The following LPP variants were observed in gnomAD, a reference collection of about 807,000 sequenced individuals.
LPP encodes lipoma-preferred partner.
Under a neutral mutation model 60.4 loss-of-function variants are expected in LPP, and 38 were observed. That is an observed-to-expected ratio of 0.63 (90% CI 0.49 to 0.83). LPP has a LOEUF of 0.83. Ranked by LOEUF, LPP falls within the 40% of genes least tolerant of loss-of-function variation. LPP has a pLI of 0.00. For synonymous variants in LPP, 328 were observed against 290.8 expected (o/e 1.13, Z -1.30); for missense variants, 902 against 783.6 (o/e 1.15, Z -1.80).
At chr3:188,301,451 G>T (rs1199080119) in intron 2 of LPP, among the ~76,000 whole-genome samples, 1 of 152,188 alleles carries the variant, frequency 6.6e-6, no homozygotes, top group East Asian at 1.9e-4. Context: ...GATGTTCTTA[G>T]TATAATGCCT....
At chr3:188,707,555 G>A (rs570497621) in intron 7 of LPP, among the ~76,000 whole-genome samples, 278 of 152,276 alleles carry the variant, frequency 1.8e-3, no homozygotes, top group African/African-American at 6.2e-3. Context: ...CTGGCTGTTT[G>A]CAGTGCTGGA....
At chr3:188,676,919 C>G (rs1858248206) in intron 7 of LPP, among the ~76,000 whole-genome samples, 1 of 152,106 alleles carries the variant, frequency 6.6e-6, no homozygotes, top group Admixed American at 6.5e-5. Context: ...GGACTTTCAC[C>G]CTTGTAGGCT....
At chr3:188,536,143 G>A (rs1823554018) in intron 6 of LPP, among the ~76,000 whole-genome samples, 2 of 151,754 alleles carry the variant, frequency 1.3e-5, no homozygotes, top group South Asian at 4.2e-4. Flanking sequence ...TGAGTAACTG[G>A]GATTACAGGG....
At chr3:188,543,270 T>C (rs558423706) in intron 6 of LPP, among the ~76,000 whole-genome samples, 4 of 152,292 alleles carry the variant, frequency 2.6e-5, no homozygotes, top group Admixed American at 6.5e-5. Flanking sequence ...TTAGTGATTT[T>C]CAGAGCATCT....
chr3:188,666,323 G>A (rs1383660815), intron 7 of LPP, among the ~76,000 whole-genome samples: 1 of 152,140 alleles, frequency 6.6e-6, no homozygotes, highest in African/African-American at 2.4e-5. Flanking sequence ...ACGCTCTATA[G>A]TATTATATTT....
chr3:188,526,759 G>A (rs570132298), intron 6 of LPP, among the ~76,000 whole-genome samples: 1 of 152,266 alleles, frequency 6.6e-6, no homozygotes, highest in South Asian at 2.1e-4. Flanking sequence ...CCCTGTAAAT[G>A]TGTACTGAAC....
chr3:188,537,147 T>A (rs538356830), intron 6 of LPP, among the ~76,000 whole-genome samples: 1 of 152,248 alleles, frequency 6.6e-6, no homozygotes, highest in African/African-American at 2.4e-5. Context: ...GATGTTTAAC[T>A]TTGTTGATCT....
intron 2 of LPP, among the ~76,000 whole-genome samples, chr3:188,283,365 A>G (rs150782729): frequency 6.6e-6 from 1 of 152,236 alleles, no homozygotes; most frequent in African/African-American, 2.4e-5. Context: ...CAGACATGCC[A>G]AGTTGCTGCA....
At chr3:188,325,915 T>C (rs1758297136) in intron 2 of LPP, among the ~76,000 whole-genome samples, 1 of 152,140 alleles carries the variant, frequency 6.6e-6, no homozygotes, top group Non-Finnish European at 1.5e-5. Context: ...GATTATCATT[T>C]GGGAATAGAT....
intron 1 of LPP, among the ~76,000 whole-genome samples, chr3:188,218,530 C>A (rs1264907238): frequency 1.3e-5 from 2 of 152,336 alleles, no homozygotes; most frequent in East Asian, 1.9e-4. Context: ...ATGCGCCCCT[C>A]TTGCAGTCTG....
At chr3:188,828,214 G>C (rs1202513421) in intron 9 of LPP, among the ~76,000 whole-genome samples, 2 of 152,062 alleles carry the variant, frequency 1.3e-5, no homozygotes, top group Non-Finnish European at 2.9e-5. Context: ...TTGGAAGGAA[G>C]TACATGCTGG....
chr3:188,352,454 G>A lies in LPP; in HGVS notation c.-10+10735G>A, dbSNP rs981481281. 1.3e-5 allele frequency among the ~76,000 whole-genome samples: 2 copies of A among 152,206 alleles called. No individual in the cohort carries two copies. Among genetic ancestry groups the A allele is most frequent in the Non-Finnish European group, 2.9e-5 (2 of 68,032 alleles). On this transcript the variant is annotated intron_variant, in intron 3 of 11. Transcript: ENST00000617246. This position sits in a 1 kb window ranked among gnomAD's most constrained non-coding sequence, Gnocchi z 4.4. ...AAGCTGTTGATGTGGTCACGTCAGT[G>A]CCTCTTCGGGAGCTGTGTGACTGGC...
At chr3:188,241,164 C>T (rs532777068) in intron 2 of LPP, among the ~76,000 whole-genome samples, 1 of 152,282 alleles carries the variant, frequency 6.6e-6, no homozygotes, top group South Asian at 2.1e-4. Flanking sequence ...GCCTGACACT[C>T]TAGGAGCAGA....
intron 2 of LPP, among the ~76,000 whole-genome samples, chr3:188,253,845 G>A (rs909930848): frequency 6.6e-6 from 1 of 152,122 alleles, no homozygotes; most frequent in African/African-American, 2.4e-5. Flanking sequence ...TGAGAATGGG[G>A]CTGCATAAAT....
At chr3:188,388,666 GTA>G (rs1778944112) in intron 3 of LPP, among the ~76,000 whole-genome samples, 1 of 152,180 alleles carries the variant, frequency 6.6e-6, no homozygotes, top group African/African-American at 2.4e-5. Context: ...TACATCATGA[GTA>G]TGTTTCACAA....
At chr3:188,441,919 G>A (rs937862291) in intron 4 of LPP, among the ~76,000 whole-genome samples, 1 of 151,848 alleles carries the variant, frequency 6.6e-6, no homozygotes, top group Non-Finnish European at 1.5e-5. Flanking sequence ...CACCGCGCCC[G>A]GCCGCAATAC....
intron 6 of LPP, among the ~76,000 whole-genome samples, chr3:188,585,370 T>C (rs185424376): frequency 2.6e-5 from 4 of 152,360 alleles, no homozygotes; most frequent in Admixed American, 2.0e-4. Flanking sequence ...CAGTTTATTT[T>C]ACTTGTTTTT....
intron 1 of LPP, among the ~76,000 whole-genome samples, chr3:188,205,345 A>G (rs932385922): frequency 2.7e-5 from 4 of 145,516 alleles, no homozygotes; most frequent in Admixed American, 7.0e-5. Context: ...CAATGGTGCA[A>G]TCTTGGCTCA....
intron 1 of LPP, among the ~76,000 whole-genome samples, chr3:188,168,250 T>G (rs773756743): frequency 1.1e-4 from 17 of 152,202 alleles, no homozygotes; most frequent in Non-Finnish European, 2.4e-4. Context: ...ATAGTTGAAG[T>G]CTAGAAAAGT....
Sources: allele counts gnomAD v4.1 joint callset (sites outside exome capture counted in the v4.1 genomes callset), GRCh38; gene constraint gnomAD v4.1.1; non-coding constraint Gnocchi (gnomAD v3.1); transcripts MANE v1.5; gene names NCBI Gene and HGNC (gene_info 2026-07-23, HGNC 2026-07-21).